DAB1: variants seen among roughly 807,000 people sequenced by gnomAD.
The protein encoded by DAB1 is DAB adaptor protein 1.
Under a neutral mutation model 64.6 loss-of-function variants are expected in DAB1, and 15 were observed. The observed-to-expected ratio is 0.23, with a 90% CI of 0.16 to 0.36. DAB1 has a LOEUF of 0.36. DAB1 is among the 10% of genes least tolerant of loss of function. The pLI, the probability that DAB1 is intolerant of heterozygous loss-of-function variation, is 1.00. For missense variants in DAB1, 596 were observed against 706.7 expected (o/e 0.84, Z 1.78); for synonymous variants, 235 against 251.9 (o/e 0.93, Z 0.64).
At chr1:57,146,191 A>T (rs1467333769) in intron 2 of DAB1, among the ~76,000 whole-genome samples, 1 of 152,172 alleles carries the variant, frequency 6.6e-6, no homozygotes. Context: ...CTTTATCCCC[A>T]CTCTTCACAA....
chr1:58,421,929 A>G (rs1279147850), intron 3 of DAB1, among the ~76,000 whole-genome samples: 1 of 152,126 alleles, frequency 6.6e-6, no homozygotes, highest in Non-Finnish European at 1.5e-5. Flanking sequence ...TACTAGGCAC[A>G]TGACCTTGTA....
At chr1:58,304,234 T>C (rs1448806587) in intron 4 of DAB1, among the ~76,000 whole-genome samples, 2 of 152,152 alleles carry the variant, frequency 1.3e-5, no homozygotes, top group African/African-American at 2.4e-5. Context: ...ATCGTTTGTG[T>C]AATGGTAATT....
intron 2 of DAB1, among the ~76,000 whole-genome samples, chr1:57,186,564 T>C (rs1663583519): frequency 6.6e-6 from 1 of 152,130 alleles, no homozygotes; most frequent in Non-Finnish European, 1.5e-5. Context: ...AAATACCCAA[T>C]CCATAATTCA....
intron 7 of DAB1, among the ~76,000 whole-genome samples, chr1:57,544,967 A>T (rs948117887): frequency 6.6e-6 from 1 of 152,176 alleles, no homozygotes; most frequent in African/African-American, 2.4e-5. Flanking sequence ...CAGTGTGGGA[A>T]TGGACTAATA....
At chr1:57,530,680 AT>A (rs1644652625) in intron 7 of DAB1, among the ~76,000 whole-genome samples, 1 of 152,120 alleles carries the variant, frequency 6.6e-6, no homozygotes, top group Non-Finnish European at 1.5e-5. Context: ...TTATTTCTTC[AT>A]TCAATCTCCT....
intron 6 of DAB1, among the ~76,000 whole-genome samples, chr1:57,727,385 G>A (rs1483100288): frequency 6.6e-6 from 1 of 152,214 alleles, no homozygotes; most frequent in African/African-American, 2.4e-5. Flanking sequence ...TCGGTGGCGA[G>A]TGCTGCTAAG....
chr1:58,344,027 T>A (rs1643968489), intron 3 of DAB1, among the ~76,000 whole-genome samples: 1 of 152,072 alleles, frequency 6.6e-6, no homozygotes, highest in Non-Finnish European at 1.5e-5. Flanking sequence ...AAAATGACAT[T>A]AAAACAGGAG....
At chr1:58,451,225 G>A (rs547929784) in intron 3 of DAB1, among the ~76,000 whole-genome samples, 1 of 152,316 alleles carries the variant, frequency 6.6e-6, no homozygotes, top group Admixed American at 6.5e-5. Context: ...AAGTAGAGGG[G>A]ACGGTAGGCA....
intron 5 of DAB1, among the ~76,000 whole-genome samples, chr1:57,996,623 GA>G (rs1646429341): frequency 6.6e-6 from 1 of 152,178 alleles, no homozygotes; most frequent in Admixed American, 6.5e-5. Context: ...GACTGTGACA[GA>G]AATAATGCAG....
At chr1:58,198,573 C>T (rs775693909) in intron 4 of DAB1, among the ~76,000 whole-genome samples, 1 of 152,196 alleles carries the variant, frequency 6.6e-6, no homozygotes, top group African/African-American at 2.4e-5. Context: ...GTACATTTTC[C>T]TCTCGTAACC....
intron 2 of DAB1, among the ~76,000 whole-genome samples, chr1:58,507,176 T>G (rs966429451): frequency 1.3e-5 from 2 of 151,942 alleles, no homozygotes; most frequent in Non-Finnish European, 2.9e-5. Flanking sequence ...TTTTATTAAT[T>G]TGTTCAATTT....
chr1:57,156,389 G>A (rs952715318), intron 2 of DAB1, among the ~76,000 whole-genome samples: 9 of 152,072 alleles, frequency 5.9e-5, no homozygotes, highest in Admixed American at 2.6e-4. Flanking sequence ...TTCTCCAACT[G>A]TCTCCTCTAC....
chr1:57,948,772 C>T (rs1645221683), intron 5 of DAB1, among the ~76,000 whole-genome samples: 1 of 152,114 alleles, frequency 6.6e-6, no homozygotes, highest in South Asian at 2.1e-4. Context: ...TCTGAAGTTA[C>T]CGGGGAAGCC....
At chr1:57,164,739 C>A (rs1187206220) in intron 2 of DAB1, among the ~76,000 whole-genome samples, 3 of 152,178 alleles carry the variant, frequency 2.0e-5, no homozygotes, top group African/African-American at 7.2e-5. Context: ...GAAAGCACTG[C>A]TGGGGCTCTT....
intron 5 of DAB1, among the ~76,000 whole-genome samples, chr1:57,929,840 G>T (rs993299218): frequency 6.6e-6 from 1 of 152,122 alleles, no homozygotes; most frequent in African/African-American, 2.4e-5. Context: ...GTTTGGTCTT[G>T]CAAGAGTGAG....
intron 4 of DAB1, among the ~76,000 whole-genome samples, chr1:58,208,421 A>G (rs1323929576): frequency 6.6e-6 from 1 of 152,100 alleles, no homozygotes; most frequent in Non-Finnish European, 1.5e-5. Flanking sequence ...TACTCAATGT[A>G]TATTGTTTTT....
chr1:58,041,877 G>A (rs1056776084), intron 5 of DAB1, among the ~76,000 whole-genome samples: 13 of 152,310 alleles, frequency 8.5e-5, no homozygotes, highest in African/African-American at 3.1e-4. Context: ...CTGATTGCTG[G>A]GTGATAGGCC....
At chr1:57,985,358 G>T (rs1646188445) in intron 5 of DAB1, among the ~76,000 whole-genome samples, 1 of 152,058 alleles carries the variant, frequency 6.6e-6, no homozygotes, top group Non-Finnish European at 1.5e-5. Context: ...ATTTATCTCT[G>T]TATCTTAGCA....
chr1:58,433,870 G>A (rs1396393651), intron 3 of DAB1, among the ~76,000 whole-genome samples: 1 of 151,956 alleles, frequency 6.6e-6, no homozygotes, highest in Admixed American at 6.6e-5. Context: ...AAACTTTGGG[G>A]GACACATTCA....
Sources: gnomAD v4.1 joint callset for allele counts (sites outside exome capture counted in the v4.1 genomes callset) on GRCh38, gnomAD v4.1.1 for gene constraint, MANE v1.5 for transcripts, NCBI Gene and HGNC (gene_info 2026-07-23, HGNC 2026-07-21) for gene names.